The following PPIP5K2 variants were observed in gnomAD, a reference collection of about 807,000 sequenced individuals.
The protein encoded by PPIP5K2 is diphosphoinositol pentakisphosphate kinase 2.
A neutral mutation model predicts 154.6 loss-of-function variants in PPIP5K2; 105 were observed. The observed-to-expected ratio is 0.68, with a 90% CI of 0.58 to 0.80. The LOEUF is 0.80. Among genes scored for constraint, PPIP5K2 ranks in the 30% least tolerant of loss-of-function variants. The pLI is 0.00. For missense variants in PPIP5K2, 992 were observed against 1,504.6 expected (o/e 0.66, Z 5.64); for synonymous variants, 480 against 490.3 (o/e 0.98, Z 0.28).
rs986393672 is a variant in PPIP5K2, at chr5:103,149,389, T to C, written c.906+76T>C. ...TCTTTTTTGACTAAGACATTATTGG[T>C]GCTTATAATTGGAGAAGTAAACCGA... On this transcript the variant is annotated intron_variant, in intron 8 of 30. Coordinates refer to ENST00000358359, the MANE Select transcript of PPIP5K2 (RefSeq NM_001276277.3). 6.0e-6 allele frequency: 8 copies of C among 1,335,780 alleles called. No individual in the cohort carries two copies. In the Admixed American group the frequency reaches 9.3e-5, roughly 16 times the overall value. The allele number at this position is 1,335,780 out of a possible 1,614,324, so 82.7% of individuals were successfully genotyped here.
chr5:103,197,401 CTT>C (rs1554228858), intron 30 of PPIP5K2, among the ~76,000 whole-genome samples: 1 of 150,946 alleles, frequency 6.6e-6, no homozygotes, highest in Non-Finnish European at 1.5e-5. Context: ...CTTTTATTAT[CTT>C]TTTAATGAAT....
rs1803666361 is a variant in PPIP5K2 at position 103,209,075 on chromosome 5, C to A, written c.*7441C>A. 6.6e-6 allele frequency: 1 copy of A among 152,150 alleles called. No homozygotes were observed. The highest frequency in any genetic ancestry group is 2.4e-5 in the African/African-American group (1 of 41,418). The allele number at this position is 152,150 out of a possible 1,614,324, so 9.4% of individuals were successfully genotyped here. A position where few individuals can be genotyped will look rare whatever the true frequency, so the allele number is the denominator to read the frequency against. On this transcript the variant is annotated 3_prime_UTR_variant, in exon 31 of 31. Transcript: ENST00000358359. ...AAAAATGAAGTTAATATCTGTCCTG[C>A]TAACAGTAGTGTTGTCAGAATCAAA...
At chr5:103,143,398 CT>C (rs1308794910) in intron 5 of PPIP5K2, among the ~76,000 whole-genome samples, 1 of 152,194 alleles carries the variant, frequency 6.6e-6, no homozygotes, top group Non-Finnish European at 1.5e-5. Context: ...GTAGCCCAGG[CT>C]GGTTTCAAAA....
At chr5:103,135,191 T>A (rs1791266153) in intron 3 of PPIP5K2, among the ~76,000 whole-genome samples, 1 of 152,180 alleles carries the variant, frequency 6.6e-6, no homozygotes, top group African/African-American at 2.4e-5. Context: ...CTATGCCAGG[T>A]ACTGTGCTTA....
intron 1 of PPIP5K2, among the ~76,000 whole-genome samples, chr5:103,124,268 G>A (rs1789259708): frequency 7.8e-6 from 1 of 128,238 alleles, no homozygotes; most frequent in Non-Finnish European, 1.6e-5. Flanking sequence ...GACAGAGCGA[G>A]ACTCCATCTC....
rs1554213119 is a variant in PPIP5K2, at chr5:103,155,869, T to C, written c.1404-40T>C. On this transcript the variant is annotated intron_variant, in intron 13 of 30. Transcript: ENST00000358359. The stretch of plus-strand genomic sequence containing the variant: ...GCATGAATATGTGAGAATTAGTTTT[T>C]CCCTACATGTTCTATTCTGTTTATC... 2.3e-6 allele frequency: 3 copies of C among 1,300,836 alleles called. No homozygotes were observed. In the East Asian group the frequency reaches 6.9e-5, roughly 30 times the overall value. 80.6% of individuals were successfully genotyped at this position (1,300,836 alleles called of 1,614,324 possible). A position where few individuals can be genotyped will look rare whatever the true frequency, so the allele number is the denominator to read the frequency against.
intron 13 of PPIP5K2, 21 bp downstream of exon 13, chr5:103,154,964 C>A: frequency 6.9e-7 from 1 of 1,456,106 alleles, no homozygotes; most frequent in Non-Finnish European, 9.4e-7. Flanking sequence ...TTTTGAAACG[C>A]TTAATTGTGG....
At chr5:103,168,866 T>G (rs1298415883) in intron 19 of PPIP5K2, among the ~76,000 whole-genome samples, 1 of 151,814 alleles carries the variant, frequency 6.6e-6, no homozygotes, top group Non-Finnish European at 1.5e-5. Context: ...GTGAACAAAC[T>G]AAAGAATGGA....
At chr5:103,176,934 T>TG in intron 21 of PPIP5K2, 1 of 1,434,588 alleles carries the variant, frequency 7.0e-7, no homozygotes, top group Non-Finnish European at 9.4e-7. Context: ...AATTTACATA[T>TG]GCCTCCTTCT....
intron 30 of PPIP5K2, among the ~76,000 whole-genome samples, chr5:103,200,506 T>A (rs1319137537): frequency 3.3e-5 from 5 of 151,716 alleles, no homozygotes; most frequent in South Asian, 4.2e-4. Flanking sequence ...TAGTACAGAG[T>A]GTATATTTGT....
chr5:103,131,651 T>G (rs1189395408), intron 2 of PPIP5K2, among the ~76,000 whole-genome samples: 1 of 152,208 alleles, frequency 6.6e-6, no homozygotes, highest in Non-Finnish European at 1.5e-5. Flanking sequence ...GTTCATTTGA[T>G]GTATAGCTTT....
intron 16 of PPIP5K2, 32 bp downstream of exon 16, chr5:103,158,605 G>T (rs200038921): frequency 6.6e-7 from 1 of 1,515,946 alleles, no homozygotes; most frequent in Non-Finnish European, 8.9e-7. Context: ...AATTATTAGA[G>T]TTTTTAATCT....
chr5:103,154,550 G>A (rs1191651431), intron 11 of PPIP5K2, 120 bp from the exon 12 acceptor site: 2 of 611,942 alleles, frequency 3.3e-6, no homozygotes, highest in African/African-American at 1.9e-5. Context: ...CACAGTACTT[G>A]AAATCCTTAG....
At chr5:103,162,561 C>T (rs1004996444) in intron 17 of PPIP5K2, among the ~76,000 whole-genome samples, 2 of 151,940 alleles carry the variant, frequency 1.3e-5, no homozygotes, top group Non-Finnish European at 1.5e-5. Context: ...CTGGGTCTCA[C>T]TGTGTTGCCC....
Position 103,207,142 on chromosome 5 carries a change from A to G in PPIP5K2, c.*5508A>G, listed in dbSNP as rs1460736815. ...CCCTCCAGAGACTGGCTGTGTTTAAATCTCATGTGGGAAGGGCACCTTTCC... is the reference window on the plus strand; with the variant it reads ...CCCTCCAGAGACTGGCTGTGTTTAAGTCTCATGTGGGAAGGGCACCTTTCC... On this transcript the variant is annotated 3_prime_UTR_variant, in exon 31 of 31. Coordinates refer to ENST00000358359, the MANE Select transcript of PPIP5K2 (RefSeq NM_001276277.3). 6.6e-6 allele frequency: 1 copy of G among 152,218 alleles called. No homozygotes were observed. Among genetic ancestry groups the G allele is most frequent in the Non-Finnish European group, 1.5e-5 (1 of 68,078 alleles). 9.4% of individuals were successfully genotyped at this position (152,218 alleles called of 1,614,324 possible). A position where few individuals can be genotyped will look rare whatever the true frequency, so the allele number is the denominator to read the frequency against.
chr5:103,172,849 G>C (rs1554219890), intron 19 of PPIP5K2, among the ~76,000 whole-genome samples: 1 of 151,530 alleles, frequency 6.6e-6, no homozygotes, highest in Non-Finnish European at 1.5e-5. Flanking sequence ...TTCTTTTAGG[G>C]TTGTTTTTAC....
chr5:103,158,790 G>T (rs906266760), intron 16 of PPIP5K2, among the ~76,000 whole-genome samples: 19 of 151,928 alleles, frequency 1.3e-4, no homozygotes, highest in African/African-American at 4.6e-4. Context: ...TTAGCCAGGT[G>T]TAGTGGTTCA....
At position 103,166,767 on chromosome 5, in the gene PPIP5K2, A is replaced by G. The variant is rs189581521; in HGVS notation, c.1921-412A>G. 3.5e-3 allele frequency among the ~76,000 whole-genome samples: 539 copies of G among 152,164 alleles called. 3 individuals are homozygous for G. The highest frequency in any genetic ancestry group is 9.3e-3 in the Admixed American group (142 of 15,236). On this transcript the variant is annotated intron_variant, in intron 17 of 30. Transcript: ENST00000358359. Reference sequence around the variant, plus strand: ...AGAAAATTCTAGAGTGAGCTAGAGAAAAGAAAATGTTATTAAGAAAATTAT... The same window carrying G: ...AGAAAATTCTAGAGTGAGCTAGAGAGAAGAAAATGTTATTAAGAAAATTAT...
In PPIP5K2 at chr5:103,204,593, T is replaced by G. The variant is rs530656936; in HGVS notation, c.*2959T>G. On this transcript the variant is annotated 3_prime_UTR_variant, in exon 31 of 31. Transcript: ENST00000358359. ...CTAAATAGCTGGTACTATAGGTGCG[T>G]GCCACCACACCCAGCTCATGGGAAT... The G allele has an allele frequency of 1.5e-4, 23 of 152,314 alleles. No individual in the cohort carries two copies. The highest frequency in any genetic ancestry group is 5.3e-4 in the African/African-American group (22 of 41,562). The allele number at this position is 152,314 out of a possible 1,614,324, so 9.4% of individuals were successfully genotyped here.
Sources: allele counts gnomAD v4.1 joint callset (sites outside exome capture counted in the v4.1 genomes callset), GRCh38; gene constraint gnomAD v4.1.1; transcripts MANE v1.5; gene names NCBI Gene and HGNC (gene_info 2026-07-23, HGNC 2026-07-21).